The following GPHN variants were observed in gnomAD, a reference collection of about 807,000 sequenced individuals.
The protein encoded by GPHN is gephyrin.
Under a neutral mutation model 95.5 loss-of-function variants are expected in GPHN, and 17 were observed. The ratio of observed to expected loss-of-function variants is 0.18; its 90% CI spans 0.12 to 0.27. GPHN has a LOEUF of 0.27. Ranked by LOEUF, GPHN falls within the 10% of genes least tolerant of loss-of-function variation. The pLI, the probability that GPHN is intolerant of heterozygous loss-of-function variation, is 1.00. For synonymous variants in GPHN, 320 were observed against 322.5 expected (o/e 0.99, Z 0.08); for missense variants, 660 against 978.1 (o/e 0.67, Z 4.34).
intron 17 of GPHN, among the ~76,000 whole-genome samples, chr14:67,125,999 C>G (rs183823237): frequency 2.0e-5 from 3 of 152,028 alleles, no homozygotes; most frequent in African/African-American, 4.8e-5. Context: ...GTGAGTTGGA[C>G]TAAATGGCCT....
chr14:67,350,389 G>A, the GPHN span, among the ~76,000 whole-genome samples: 1 of 152,136 alleles, frequency 6.6e-6, no homozygotes, highest in Non-Finnish European at 1.5e-5. Context: ...AAATGAAAAT[G>A]GACTCTAAAA....
chr14:67,432,200 T>G, the GPHN span, among the ~76,000 whole-genome samples: 1 of 152,190 alleles, frequency 6.6e-6, no homozygotes, highest in Non-Finnish European at 1.5e-5. Context: ...TGGCCCTAAA[T>G]CATTATTGTC....
the GPHN span, chr14:67,302,171 G>A: frequency 6.6e-7 from 1 of 1,509,524 alleles, no homozygotes; most frequent in South Asian, 1.4e-5. Context: ...GCTGTTGTGT[G>A]CTTCAAAAGT....
chr14:66,969,263 T>C (rs1310928848), intron 9 of GPHN: 1 of 152,184 alleles, frequency 6.6e-6, no homozygotes, highest in Non-Finnish European at 1.5e-5. Flanking sequence ...AAGAACAAAG[T>C]TGGGATATTT....
the GPHN span, chr14:67,334,638 T>G: frequency 6.6e-6 from 1 of 152,564 alleles, no homozygotes; most frequent in South Asian, 2.1e-4. Context: ...GTGTTTTATG[T>G]GGAAATATTT....
the GPHN span, among the ~76,000 whole-genome samples, chr14:67,430,183 C>G: frequency 6.6e-6 from 1 of 152,288 alleles, no homozygotes; most frequent in South Asian, 2.1e-4. Context: ...ATTCCAGTCC[C>G]CTCCACAAAA....
intron 3 of GPHN, among the ~76,000 whole-genome samples, chr14:66,796,332 A>G (rs1432526864): frequency 1.3e-5 from 2 of 151,252 alleles, no homozygotes; most frequent in African/African-American, 4.9e-5. Context: ...TTTTTTTTTC[A>G]GTATATACCC....
intron 1 of GPHN, among the ~76,000 whole-genome samples, chr14:66,609,393 C>T (rs2062687070): frequency 6.6e-6 from 1 of 152,026 alleles, no homozygotes; most frequent in African/African-American, 2.4e-5. Context: ...TTAACATCGG[C>T]CTTGGTGAAT....
the GPHN span, among the ~76,000 whole-genome samples, chr14:67,605,282 C>T: frequency 6.6e-6 from 1 of 152,140 alleles, no homozygotes. Flanking sequence ...TTCATTAGAC[C>T]TCATTTGTAG....
intron 1 of GPHN, among the ~76,000 whole-genome samples, chr14:66,674,933 CA>C (rs2066499557): frequency 6.6e-6 from 1 of 152,184 alleles, no homozygotes; most frequent in South Asian, 2.1e-4. Flanking sequence ...TACATATCCA[CA>C]AACAGTGCAT....
At chr14:67,015,373 G>C (rs977493483) in intron 9 of GPHN, among the ~76,000 whole-genome samples, 2 of 152,048 alleles carry the variant, frequency 1.3e-5, no homozygotes, top group African/African-American at 4.8e-5. Flanking sequence ...TTGTCTATTT[G>C]CCGGCATTCT....
intron 1 of GPHN, among the ~76,000 whole-genome samples, chr14:66,546,102 G>T (rs1393965541): frequency 1.3e-5 from 2 of 151,122 alleles, no homozygotes; most frequent in Non-Finnish European, 3.0e-5. Context: ...GGGGCGGCGG[G>T]GCAGAGGCGC....
intron 1 of GPHN, among the ~76,000 whole-genome samples, chr14:66,662,390 T>C (rs2065713720): frequency 6.6e-6 from 1 of 151,624 alleles, no homozygotes; most frequent in Non-Finnish European, 1.5e-5. Flanking sequence ...CTAAGGCGAC[T>C]AGGGACTAGA....
At chr14:67,255,281 A>G in the GPHN span, among the ~76,000 whole-genome samples, 3 of 152,246 alleles carry the variant, frequency 2.0e-5, no homozygotes, top group Non-Finnish European at 4.4e-5. Flanking sequence ...GAGCAAAGCA[A>G]TAGCCATGTG....
At chr14:67,624,089 G>C in the GPHN span, among the ~76,000 whole-genome samples, 1 of 152,108 alleles carries the variant, frequency 6.6e-6, no homozygotes, top group Non-Finnish European at 1.5e-5. Context: ...GGGCCTAAGA[G>C]AAATGAAAAG....
the GPHN span, among the ~76,000 whole-genome samples, chr14:67,501,042 G>GGTT: frequency 1.0e-5 from 1 of 98,982 alleles, no homozygotes; most frequent in Non-Finnish European, 2.0e-5. Flanking sequence ...TATACTTGGG[G>GGTT]GTTAATAATA....
At chr14:67,297,404 G>A in the GPHN span, among the ~76,000 whole-genome samples, 9 of 151,652 alleles carry the variant, frequency 5.9e-5, no homozygotes, top group Admixed American at 3.9e-4. Flanking sequence ...CTATCTCTGG[G>A]TGTTAGATAA....
chr14:67,128,168 C>T (rs1423757524), intron 17 of GPHN, among the ~76,000 whole-genome samples: 1 of 152,176 alleles, frequency 6.6e-6, no homozygotes, highest in African/African-American at 2.4e-5. Flanking sequence ...CTTATATCCC[C>T]AGCCCAAATA....
chr14:67,177,524 C>T (rs564658088), intron 21 of GPHN, among the ~76,000 whole-genome samples: 12 of 152,042 alleles, frequency 7.9e-5, no homozygotes, highest in African/African-American at 1.4e-4. Flanking sequence ...AGAATCAGTG[C>T]GATGTGTTGC....
Sources: gnomAD v4.1 joint callset for allele counts (sites outside exome capture counted in the v4.1 genomes callset) on GRCh38, gnomAD v4.1.1 for gene constraint, MANE v1.5 for transcripts, NCBI Gene and HGNC (gene_info 2026-07-23, HGNC 2026-07-21) for gene names.